Variants in EDIL3 observed in about 807,000 individuals in gnomAD.
EDIL3 encodes the protein EGF-like repeat and discoidin I-like domain-containing protein 3.
In EDIL3, 37 loss-of-function variants were observed where a neutral mutation model predicts 67.4. The observed-to-expected ratio is 0.55, with a 90% CI of 0.42 to 0.72. EDIL3 has a LOEUF of 0.72. EDIL3 is among the 30% of genes least tolerant of loss of function. The pLI, the probability that EDIL3 is intolerant of heterozygous loss-of-function variation, is 0.00. For synonymous variants in EDIL3, 195 were observed against 196.3 expected, an observed-to-expected ratio of 0.99 and a Z score of 0.05; for missense variants, 527 against 586.3, an observed-to-expected ratio of 0.90 and a Z score of 1.04.
intron 1 of EDIL3, among the ~76,000 whole-genome samples, chr5:84,373,227 A>G (rs180676158): frequency 2.4e-3 from 365 of 152,146 alleles, no homozygotes; most frequent in Non-Finnish European, 4.0e-3. Context: ...ATCCTCCCCA[A>G]CATTTCTTGG....
chr5:84,038,525 G>T (rs534376626), intron 9 of EDIL3, among the ~76,000 whole-genome samples: 1 of 152,326 alleles, frequency 6.6e-6, no homozygotes, highest in Non-Finnish European at 1.5e-5. Context: ...GCAGATGCCT[G>T]ACTATGTATT....
intron 4 of EDIL3, among the ~76,000 whole-genome samples, chr5:84,153,556 A>G (rs1460134318): frequency 2.0e-5 from 3 of 151,852 alleles, no homozygotes; most frequent in Non-Finnish European, 2.9e-5. Flanking sequence ...CTGACCTCCC[A>G]GGTTCAAGCA....
chr5:84,274,478 A>G (rs1185492879), intron 1 of EDIL3, among the ~76,000 whole-genome samples: 2 of 152,162 alleles, frequency 1.3e-5, no homozygotes, highest in African/African-American at 4.8e-5. Flanking sequence ...ATTCTAGACC[A>G]ATTTTCACAA....
chr5:84,312,520 C>A (rs1435311593), intron 1 of EDIL3, among the ~76,000 whole-genome samples: 2 of 144,842 alleles, frequency 1.4e-5, no homozygotes, highest in African/African-American at 2.6e-5. Flanking sequence ...CTGACCCCCC[C>A]ACCTCCCTCC....
chr5:83,992,721 C>A (rs945081365), intron 9 of EDIL3, among the ~76,000 whole-genome samples: 1 of 151,932 alleles, frequency 6.6e-6, no homozygotes, highest in Non-Finnish European at 1.5e-5. Flanking sequence ...CTAATCACAG[C>A]ACGAAGTAAT....
chr5:84,039,760 T>C (rs1746086890), intron 9 of EDIL3, among the ~76,000 whole-genome samples: 1 of 152,130 alleles, frequency 6.6e-6, no homozygotes, highest in South Asian at 2.1e-4. Context: ...CCATGTAATA[T>C]TTAGTAAGCA....
chr5:84,028,073 T>TC (rs1272004271), intron 9 of EDIL3, among the ~76,000 whole-genome samples: 1 of 152,180 alleles, frequency 6.6e-6, no homozygotes, highest in East Asian at 1.9e-4. Context: ...AATTAAGATT[T>TC]CTTTTTTTGG....
intron 3 of EDIL3, among the ~76,000 whole-genome samples, chr5:84,217,140 CA>C (rs33931531): frequency 0.25 from 34,276 of 135,914 alleles, 3,931 homozygotes; most frequent in East Asian, 0.31. Context: ...CAAGGACAGC[CA>C]AAAAAAAAAA....
At chr5:84,153,452 G>A (rs952918288) in intron 4 of EDIL3, among the ~76,000 whole-genome samples, 6 of 150,534 alleles carry the variant, frequency 4.0e-5, no homozygotes, top group African/African-American at 2.4e-5. Flanking sequence ...TCCCCACCAC[G>A]CCCGGCTAAT....
At chr5:84,177,999 T>C (rs1748950752) in intron 4 of EDIL3, among the ~76,000 whole-genome samples, 2 of 152,196 alleles carry the variant, frequency 1.3e-5, no homozygotes, top group Non-Finnish European at 2.9e-5. Context: ...TGAAAAATTG[T>C]TTAATTTTCT....
At chr5:84,066,743 GT>G in intron 6 of EDIL3, 137 bp from the exon 7 acceptor site, 1 of 1,108,872 alleles carries the variant, frequency 9.0e-7, no homozygotes. Flanking sequence ...ATGGATAAAT[GT>G]TTACAATAGG....
chr5:84,026,996 G>A lies in EDIL3; in HGVS notation c.1137+33304C>T, dbSNP rs1320216964. Among the ~76,000 whole-genome samples, 3 of 152,138 alleles carry A rather than the reference G, an allele frequency of 2.0e-5. No homozygotes were observed. In the East Asian group the frequency reaches 5.8e-4, roughly 29 times the overall value. Reference sequence around the variant, plus strand: ...TGTACTCTGAGCTGCTTGGGAGGCTGAGGTGGGAGGATCACCTGAGCCCAA... The same window carrying A: ...TGTACTCTGAGCTGCTTGGGAGGCTAAGGTGGGAGGATCACCTGAGCCCAA... On this transcript the variant is annotated intron_variant, in intron 9 of 10. Coordinates refer to ENST00000296591, the MANE Select transcript of EDIL3 (RefSeq NM_005711.5).
Position 84,060,325 on chromosome 5 carries a change from T to C in EDIL3, c.1112A>G (p.His371Arg), listed in dbSNP as rs200752338. The change falls in exon 9 of 11, where the codon CAC becomes CGC. Residue 371 changes from histidine (H) to arginine (R), a missense_variant. By Grantham distance (29) the His-to-Arg change is conservative (BLOSUM62 0). This residue lies in a region of EDIL3 where 494 missense variants were observed against 522.5 expected (regional missense o/e 0.95). Coordinates refer to ENST00000296591, the MANE Select transcript of EDIL3 (RefSeq NM_005711.5). Reference protein sequence around the residue: ...QGKVNAWTSGHNDQSQWLQVD... With the variant: ...QGKVNAWTSGRNDQSQWLQVD... ...CTGTAACCATTGTGACTGGTCATTGTGGCCAGAGGTCCAGGCATTCACTTT... is the reference window on the plus strand; with the variant it reads ...CTGTAACCATTGTGACTGGTCATTGCGGCCAGAGGTCCAGGCATTCACTTT... 4 of 1,613,652 alleles carry C rather than the reference T, an allele frequency of 2.5e-6. No homozygotes were observed. The highest frequency in any genetic ancestry group is 1.3e-5 in the African/African-American group (1 of 74,920).
intron 5 of EDIL3, 21 bp downstream of exon 5, chr5:84,137,210 CACACACACAT>C (rs1320236206): frequency 1.3e-6 from 2 of 1,517,118 alleles, no homozygotes; most frequent in East Asian, 2.3e-5. Flanking sequence ...CACACACACA[CACACACACAT>C]ACACACACGT....
intron 10 of EDIL3, among the ~76,000 whole-genome samples, chr5:83,947,929 A>G (rs982059446): frequency 6.6e-6 from 1 of 151,898 alleles, no homozygotes; most frequent in African/African-American, 2.4e-5. Flanking sequence ...TTTCAGACTT[A>G]TAATCTTGAT....
intron 1 of EDIL3, among the ~76,000 whole-genome samples, chr5:84,268,827 T>A (rs1483466200): frequency 6.6e-6 from 1 of 152,180 alleles, no homozygotes; most frequent in Non-Finnish European, 1.5e-5. Flanking sequence ...AAGCTCACTG[T>A]AAACAGTTCA....
At chr5:83,977,745 T>C (rs1452497411) in intron 9 of EDIL3, among the ~76,000 whole-genome samples, 1 of 151,894 alleles carries the variant, frequency 6.6e-6, no homozygotes, top group Non-Finnish European at 1.5e-5. Context: ...TTAGTCCATA[T>C]TTCAGCCTAC....
chr5:84,180,376 G>A lies in EDIL3; in HGVS notation c.355+17C>T, dbSNP rs163715. ...TAATCAATAATAATAAAAGTACAAT[G>A]ACTATGAATAACTTACTGTGCTGAC... On this transcript the variant is annotated intron_variant, in intron 4 of 10. Coordinates refer to ENST00000296591, the MANE Select transcript of EDIL3 (RefSeq NM_005711.5). The A allele has an allele frequency of 0.36, 564,331 of 1,564,864 alleles. 103,980 individuals carry two copies. Among genetic ancestry groups the A allele is most frequent in the Admixed American group, 0.43 (21,793 of 50,684 alleles).
intron 3 of EDIL3, among the ~76,000 whole-genome samples, chr5:84,218,532 AG>A (rs757153249): frequency 9.9e-5 from 15 of 152,234 alleles, no homozygotes; most frequent in Non-Finnish European, 1.9e-4. Flanking sequence ...CACACAACAA[AG>A]CAAACATCAT....
Sources: allele counts gnomAD v4.1 joint callset (sites outside exome capture counted in the v4.1 genomes callset), GRCh38; gene constraint gnomAD v4.1.1; regional missense constraint gnomAD v4.1.1; transcripts MANE v1.5; gene names NCBI Gene and HGNC (gene_info 2026-07-23, HGNC 2026-07-21).